PTGIR: variants seen among roughly 807,000 people sequenced by gnomAD.
PTGIR encodes the protein prostacyclin receptor.
A neutral mutation model predicts 17.6 loss-of-function variants in PTGIR; 16 were observed. The ratio of observed to expected loss-of-function variants is 0.91; its 90% confidence interval spans 0.61 to 1.38. PTGIR has a LOEUF of 1.38. Ranked by LOEUF, PTGIR falls within the 40% of genes most tolerant of loss-of-function variation. PTGIR has a pLI of 0.00. For synonymous variants in PTGIR, 274 were observed against 255.4 expected, an observed-to-expected ratio of 1.07 and a Z score of -0.69; for missense variants, 532 against 548.6, an observed-to-expected ratio of 0.97 and a Z score of 0.30.
chr19:46,619,870 G>C (rs544003710), downstream of PTGIR, among the ~76,000 whole-genome samples: 51 of 152,224 alleles, frequency 3.4e-4, no homozygotes, highest in Admixed American at 2.6e-3. Context: ...GGGGCTGGGT[G>C]GGGGGAGTTC....
Position 46,621,449 on chromosome 19 carries a change from C to G in PTGIR, c.992G>C (p.Arg331Thr). The change falls in exon 3 of 3, where the codon AGG becomes ACG. Residue 331 changes from arginine to threonine, a missense_variant. Coordinates refer to ENST00000291294, the MANE Select transcript of PTGIR (RefSeq NM_000960.4). The surrounding 1 kb of genome is among the most constrained non-coding windows in gnomAD (Gnocchi z 4.8). ...AGGAGCAGAGGGGGCCCTTGGGTCC[C>G]TCCTCCCTGAGGCGAGCTGGGAAAG... ...TPLSQLASGR[R>T]DPRAPSAPVG... 1 of 1,613,914 alleles carries G rather than the reference C, an allele frequency of 6.2e-7. No individual in the cohort carries two copies. Among genetic ancestry groups the G allele is most frequent in the East Asian group, 2.2e-5 (1 of 44,880 alleles).
the PTGIR span, among the ~76,000 whole-genome samples, chr19:46,611,322 CAGGCCCT>C: frequency 3.7e-4 from 56 of 152,284 alleles, no homozygotes; most frequent in East Asian, 9.5e-3. Context: ...AAGGCAGGGG[CAGGCCCT>C]GCAGTGGGTG....
Position 46,621,741 on chromosome 19 carries a change from C to G in PTGIR, c.769-69G>C. The stretch of plus-strand genomic sequence containing the variant: ...AGCCTCCCCACCCTGGCTCCCTCCT[C>G]CCACTTGCTTACCAGGGATGAGGTA... On this transcript the variant is annotated intron_variant, in intron 2 of 2. Coordinates refer to ENST00000291294, the MANE Select transcript of PTGIR (RefSeq NM_000960.4). This position sits in a 1 kb window ranked among gnomAD's most constrained non-coding sequence, Gnocchi z 4.8. 1.3e-6 allele frequency: 2 copies of G among 1,533,608 alleles called. No homozygotes were observed. Among genetic ancestry groups the G allele is most frequent in the Non-Finnish European group, 1.8e-6 (2 of 1,139,288 alleles).
the PTGIR span, among the ~76,000 whole-genome samples, chr19:46,614,047 G>A: frequency 6.6e-6 from 1 of 152,146 alleles, no homozygotes; most frequent in East Asian, 1.9e-4. Flanking sequence ...GCTTCTAATG[G>A]CCCCTGGGCA....
downstream of PTGIR, among the ~76,000 whole-genome samples, chr19:46,616,077 C>T (rs1971957442): frequency 6.6e-6 from 1 of 152,156 alleles, no homozygotes; most frequent in Non-Finnish European, 1.5e-5. Flanking sequence ...GCTGGGATTA[C>T]AGGTGTGAGC....
downstream of PTGIR, among the ~76,000 whole-genome samples, chr19:46,615,771 G>C (rs992565684): frequency 2.0e-5 from 3 of 151,514 alleles, no homozygotes; most frequent in Non-Finnish European, 4.4e-5. Context: ...CTCCCAAAGT[G>C]CTGGGATTAC....
rs2052725116 is a variant in PTGIR, at chr19:46,621,350, T to C, written c.1091A>G (p.Gln364Arg). Residue 364 changes from glutamine (Q) to arginine (R), a missense_variant, in exon 3 of 3, where the codon CAG becomes CGG. Transcript: ENST00000291294. The surrounding 1 kb of genome is among the most constrained non-coding windows in gnomAD (Gnocchi z 4.8). ...TCCCACGGCGCTGCCGCTGGACTGCTGTGTGGGAGGCAAGGGCTCCACCTG... is the reference window on the plus strand; with the variant it reads ...TCCCACGGCGCTGCCGCTGGACTGCCGTGTGGGAGGCAAGGGCTCCACCTG... ...EGQVEPLPPTQQSSGSAVGTS... is the reference protein window; with the variant it reads ...EGQVEPLPPTRQSSGSAVGTS... 1.9e-6 allele frequency: 3 copies of C among 1,552,226 alleles called. No individual in the cohort carries two copies. The highest frequency in any genetic ancestry group is 2.6e-6 in the Non-Finnish European group (3 of 1,147,816).
chr19:46,611,561 A>C, the PTGIR span, among the ~76,000 whole-genome samples: 4 of 152,230 alleles, frequency 2.6e-5, no homozygotes, highest in Non-Finnish European at 5.9e-5. Flanking sequence ...TCACAGCCAA[A>C]TTACAAACCA....
At chr19:46,624,385 C>T in intron 1 of PTGIR, 148 bp from the exon 2 acceptor site, 1 of 589,416 alleles carries the variant, frequency 1.7e-6, no homozygotes, top group South Asian at 2.9e-5. Context: ...GTATGCAGTC[C>T]TCTCCCCTCT....
intron 2 of PTGIR, chr19:46,623,139 G>T: frequency 5.0e-6 from 1 of 198,086 alleles, no homozygotes; most frequent in South Asian, 1.3e-4. Context: ...GTGCCACTAC[G>T]TCCGGCTACT....
At position 46,623,902 on chromosome 19, in the gene PTGIR, G is replaced by C. The variant is rs769947046; in HGVS notation, c.324C>G (p.Leu108=). The C allele has an allele frequency of 4.3e-6, 7 of 1,609,468 alleles. No individual in the cohort carries two copies. The highest frequency in any genetic ancestry group is 5.9e-6 in the Non-Finnish European group (7 of 1,177,940). Residue 108 remains leucine (L), a synonymous_variant, in exon 2 of 3, where the codon CTC becomes CTG. Coordinates refer to ENST00000291294, the MANE Select transcript of PTGIR (RefSeq NM_000960.4). ...GCTCCACGGCCATGGCAAAGAGGAT[G>C]AGCATGGACGCCAGGCCGAAGAAGG... The part of the protein sequence containing the change: ...AMTFFGLASM[L]ILFAMAVERC...
chr19:46,622,032 G>A (rs748095082), intron 2 of PTGIR: 2 of 985,416 alleles, frequency 2.0e-6, no homozygotes, highest in Non-Finnish European at 2.4e-6. Context: ...GTGCCTGTGT[G>A]TATCTGTCCA....
At chr19:46,624,267 G>T in intron 1 of PTGIR, 30 bp from the exon 2 acceptor site, 2 of 1,415,254 alleles carry the variant, frequency 1.4e-6, no homozygotes, top group South Asian at 3.0e-5. Flanking sequence ...GGGGGTCAGA[G>T]GGAGCCAGGG....
At chr19:46,616,637 C>G (rs1160302222), downstream of PTGIR, among the ~76,000 whole-genome samples, 1 of 152,042 alleles carries the variant, frequency 6.6e-6, no homozygotes, top group Non-Finnish European at 1.5e-5. Context: ...TGGCCAGAAA[C>G]CCTTCTCTTA....
In PTGIR at chr19:46,620,629, T is replaced by C. The variant is rs1321648201; in HGVS notation, c.*651A>G. On this transcript the variant is annotated 3_prime_UTR_variant, in exon 3 of 3. Transcript: ENST00000291294. ...CACCTGCACCCCCCCAGTTCTCATCTTGCAGCCAGTCAAGCTAGGTGGAAT... is the reference window on the plus strand; with the variant it reads ...CACCTGCACCCCCCCAGTTCTCATCCTGCAGCCAGTCAAGCTAGGTGGAAT... The C allele has an allele frequency of 4.1e-6, 4 of 985,206 alleles. No individual in the cohort carries two copies. The highest frequency in any genetic ancestry group is 4.8e-6 in the Non-Finnish European group (4 of 829,718). The allele number at this position is 985,206 out of a possible 1,614,324, so 61.0% of individuals were successfully genotyped here. A position where few individuals can be genotyped will look rare whatever the true frequency, so the allele number is the denominator to read the frequency against.
At chr19:46,613,944 G>C in the PTGIR span, among the ~76,000 whole-genome samples, 1 of 152,186 alleles carries the variant, frequency 6.6e-6, no homozygotes, top group African/African-American at 2.4e-5. Context: ...CCTATGTTTT[G>C]AAAGACTTTT....
At chr19:46,611,492 A>C in the PTGIR span, among the ~76,000 whole-genome samples, 6 of 152,242 alleles carry the variant, frequency 3.9e-5, no homozygotes. Flanking sequence ...TGAAGATCTG[A>C]AACAAAAAGC....
At position 46,624,542 on chromosome 19, in the gene PTGIR, C is replaced by T. The variant is rs566924844; in HGVS notation, c.-12-305G>A. ...TGATCTCGGCTCACTGCAACCTCCACCTCCTGGGTTCAAGCGATTCTCCTG... is the reference window on the plus strand; with the variant it reads ...TGATCTCGGCTCACTGCAACCTCCATCTCCTGGGTTCAAGCGATTCTCCTG... On this transcript the variant is annotated intron_variant, in intron 1 of 2. Coordinates refer to ENST00000291294, the MANE Select transcript of PTGIR (RefSeq NM_000960.4). 155 of 251,722 alleles carry T rather than the reference C, an allele frequency of 6.2e-4. 1 individual carries two copies. The highest frequency in any genetic ancestry group is 9.7e-4 in the Non-Finnish European group (129 of 132,732). The allele number at this position is 251,722 out of a possible 1,614,324, so 15.6% of individuals were successfully genotyped here. A position where few individuals can be genotyped will look rare whatever the true frequency, so the allele number is the denominator to read the frequency against.
chr19:46,621,563 A>T lies in PTGIR; in HGVS notation c.878T>A (p.Ile293Asn), dbSNP rs772809480. 9.3e-6 allele frequency: 15 copies of T among 1,613,976 alleles called. No homozygotes were observed. In the East Asian group the frequency reaches 3.1e-4, roughly 34 times the overall value. Residue 293 changes from isoleucine (I) to asparagine (N), a missense_variant, in exon 3 of 3, where the codon ATC becomes AAC. Physicochemically the swap from Ile to Asn is moderately radical, Grantham distance 149. Coordinates refer to ENST00000291294, the MANE Select transcript of PTGIR (RefSeq NM_000960.4). The surrounding 1 kb of genome is among the most constrained non-coding windows in gnomAD (Gnocchi z 4.8). ...CTGGAAGACAGCCTTGCGGAAAAGGATGAAGACCCAGGGGTCCAGGATGGG... is the reference window on the plus strand; with the variant it reads ...CTGGAAGACAGCCTTGCGGAAAAGGTTGAAGACCCAGGGGTCCAGGATGGG... ...FNPILDPWVF[I>N]LFRKAVFQRL... is the part of the protein sequence containing the mutation.
Sources: gnomAD v4.1 joint callset for allele counts (sites outside exome capture counted in the v4.1 genomes callset) on GRCh38, gnomAD v4.1.1 for gene constraint, Gnocchi (gnomAD v3.1) non-coding constraint, MANE v1.5 for transcripts, NCBI Gene and HGNC (gene_info 2026-07-23, HGNC 2026-07-21) for gene names.